The following DDX19B variants were observed in gnomAD, a reference collection of about 807,000 sequenced individuals.
DDX19B encodes the protein ATP-dependent RNA helicase DDX19B.
DDX19B carries 27 observed loss-of-function variants against 58.1 expected under a neutral mutation model. That is an observed-to-expected ratio of 0.46 (90% confidence interval 0.34 to 0.64). DDX19B has a LOEUF of 0.64. Among genes scored for constraint, DDX19B ranks in the 30% least tolerant of loss-of-function variants. The probability of loss-of-function intolerance (pLI) is 0.01; values close to 1 mark genes in which losing one functional copy is unlikely to be tolerated. For missense variants in DDX19B, 399 were observed against 596.5 expected (o/e 0.67, Z 3.45); for synonymous variants, 187 against 214.4 (o/e 0.87, Z 1.12).
chr16:70,299,148 T>A, upstream of DDX19B: 2 of 1,360,090 alleles, frequency 1.5e-6, no homozygotes, highest in South Asian at 3.6e-5. Context: ...CAAACAGGAG[T>A]GGCCTCCGAC....
upstream of DDX19B, among the ~76,000 whole-genome samples, chr16:70,298,322 CT>C (rs1490418364): frequency 6.6e-6 from 1 of 151,828 alleles, no homozygotes; most frequent in Non-Finnish European, 1.5e-5. Flanking sequence ...AAGAGAATTT[CT>C]TGAACCCAGG....
Position 70,330,958 on chromosome 16 carries a change from T to C in DDX19B, c.1024-764T>C, listed in dbSNP as rs539078335. 1.4e-4 allele frequency among the ~76,000 whole-genome samples: 21 copies of C among 152,108 alleles called. No individual in the cohort carries two copies. The East Asian group carries it at 3.7e-3, about 27-fold the overall frequency. On this transcript the variant is annotated intron_variant, in intron 9 of 11. Transcript: ENST00000288071. ...TGCTTGGGAGGCTCAGATGGGAGGA[T>C]TGATTGAGCCCAGGAGGTTGAGACT...
chr16:70,321,119 T>A (rs1028314276), intron 5 of DDX19B, among the ~76,000 whole-genome samples: 2 of 151,894 alleles, frequency 1.3e-5, no homozygotes, highest in Non-Finnish European at 2.9e-5. Flanking sequence ...TGTGCCACCA[T>A]GCCTGGCTAA....
intron 1 of DDX19B, among the ~76,000 whole-genome samples, chr16:70,303,855 G>T (rs1167742347): frequency 2.0e-5 from 3 of 151,978 alleles, no homozygotes; most frequent in Non-Finnish European, 4.4e-5. Flanking sequence ...CACCGCGCCC[G>T]GCCTAATTTA....
At chr16:70,309,844 A>C (rs1961991010) in intron 1 of DDX19B, among the ~76,000 whole-genome samples, 1 of 151,136 alleles carries the variant, frequency 6.6e-6, no homozygotes, top group African/African-American at 2.4e-5. Flanking sequence ...AAAAAGAGAA[A>C]TAGAAATGGG....
chr16:70,322,891 CAAAAAA>C (rs113261271), intron 5 of DDX19B, among the ~76,000 whole-genome samples: 1,377 of 48,146 alleles, frequency 0.029, 20 homozygotes, highest in African/African-American at 0.09. Context: ...AACTCCGTTG[CAAAAAA>C]AAAAAAAAAA....
chr16:70,296,676 T>C (rs1961237453), upstream of DDX19B, among the ~76,000 whole-genome samples: 1 of 152,160 alleles, frequency 6.6e-6, no homozygotes, highest in Admixed American at 6.6e-5. Context: ...GAGATGTAGG[T>C]CATGGCTACC....
chr16:70,307,986 T>A (rs1961858415), intron 1 of DDX19B, among the ~76,000 whole-genome samples: 1 of 151,778 alleles, frequency 6.6e-6, no homozygotes, highest in Non-Finnish European at 1.5e-5. Context: ...GGAGTCTCAC[T>A]CTGCTGCCAA....
At chr16:70,305,734 GTTT>G (rs1961714154) in intron 1 of DDX19B, among the ~76,000 whole-genome samples, 1 of 151,218 alleles carries the variant, frequency 6.6e-6, no homozygotes, top group African/African-American at 2.4e-5. Flanking sequence ...GAGGTTTTTT[GTTT>G]TTTTAATTAT....
upstream of DDX19B, chr16:70,294,890 G>A (rs1422862170): frequency 1.3e-6 from 2 of 1,527,742 alleles, no homozygotes; most frequent in Admixed American, 2.0e-5. Context: ...CCCTGCGGCG[G>A]TTTCCCATCA....
upstream of DDX19B, among the ~76,000 whole-genome samples, chr16:70,295,896 G>A (rs1349701848): frequency 6.6e-6 from 1 of 151,780 alleles, no homozygotes; most frequent in African/African-American, 2.4e-5. Flanking sequence ...AAAAAACCAT[G>A]CATATGGAAA....
intron 9 of DDX19B, among the ~76,000 whole-genome samples, chr16:70,330,782 G>A (rs756861311): frequency 1.3e-5 from 2 of 151,868 alleles, no homozygotes; most frequent in African/African-American, 2.4e-5. Flanking sequence ...AGTGGCTCAC[G>A]CCTGTAATCC....
chr16:70,294,694 G>A (rs1961156421), upstream of DDX19B: 2 of 503,542 alleles, frequency 4.0e-6, no homozygotes, highest in South Asian at 3.8e-5. Context: ...CTTGTCTTTG[G>A]CCCCCAGAGT....
Position 70,329,974 on chromosome 16 carries a change from A to G in DDX19B, c.929A>G (p.Tyr310Cys), listed in dbSNP as rs746520839. 4 of 1,614,222 alleles carry G rather than the reference A, an allele frequency of 2.5e-6. No homozygotes were observed. Among genetic ancestry groups the G allele is most frequent in the Middle Eastern group, 1.7e-4 (1 of 6,058 alleles). Residue 310 changes from tyrosine (Y) to cysteine (C), a missense_variant, in exon 9 of 12, where the codon TAC becomes TGC. Physicochemically the swap from Tyr to Cys is radical, Grantham distance 194. Around this residue, in one of 4 missense-constraint regions of DDX19B, gnomAD observed 198 missense variants for 345.9 expected, o/e 0.57. Transcript: ENST00000288071. ...GAGACCCTGGACACCATCAAGCAGT[A>G]CTATGTCCTGTGCAGCAGCAGAGAC... ...EEETLDTIKQ[Y>C]YVLCSSRDEK...
At chr16:70,300,721 G>A (rs1188632702) in intron 1 of DDX19B, among the ~76,000 whole-genome samples, 1 of 151,902 alleles carries the variant, frequency 6.6e-6, no homozygotes, top group Non-Finnish European at 1.5e-5. Context: ...GTGAAGACGA[G>A]GTCTCACTAT....
upstream of DDX19B, among the ~76,000 whole-genome samples, chr16:70,293,981 A>G (rs879909428): frequency 6.6e-6 from 1 of 151,462 alleles, no homozygotes; most frequent in Admixed American, 6.6e-5. Context: ...TGTCTAATGT[A>G]CTTTTCAGAC....
At position 70,330,104 on chromosome 16, in the gene DDX19B, CCT is replaced by C. The variant is rs1362103427; in HGVS notation, c.1023+40_1023+41del. On this transcript the variant is annotated intron_variant, in intron 9 of 11. Transcript: ENST00000288071. The stretch of plus-strand genomic sequence containing the variant: ...GTGGCAGTGGCAGGCCTGGCCCTTC[CCT>C]CTCAGCCAGCTCCCCACAGGGCTCA... 5 of 1,611,046 alleles carry C rather than the reference CCT, an allele frequency of 3.1e-6. No homozygotes were observed. The Middle Eastern group carries it at 6.7e-4, about 215-fold the overall frequency.
upstream of DDX19B, among the ~76,000 whole-genome samples, chr16:70,292,438 C>A (rs1224829066): frequency 6.6e-6 from 1 of 152,096 alleles, no homozygotes; most frequent in South Asian, 2.1e-4. Flanking sequence ...TGAGCCATCG[C>A]GTCCGGCCCC....
intron 6 of DDX19B, 129 bp from the exon 7 acceptor site, chr16:70,325,445 G>A (rs1263525473): frequency 3.0e-6 from 2 of 658,806 alleles, no homozygotes; most frequent in Admixed American, 2.8e-5. Flanking sequence ...AGAATCAAAT[G>A]GTGTACATTT....
Sources: gnomAD v4.1 joint callset for allele counts (sites outside exome capture counted in the v4.1 genomes callset) on GRCh38, gnomAD v4.1.1 for gene constraint, gnomAD v4.1.1 regional missense constraint, MANE v1.5 for transcripts, NCBI Gene and HGNC (gene_info 2026-07-23, HGNC 2026-07-21) for gene names.